The following NBAS variants were observed in gnomAD, a reference collection of about 807,000 sequenced individuals.
NBAS encodes NBAS subunit of NRZ tethering complex.
NBAS carries 219 observed loss-of-function variants against 302.5 expected under a neutral mutation model. The ratio of observed to expected loss-of-function variants is 0.72; its 90% CI spans 0.65 to 0.81. The LOEUF is 0.81. Ranked by LOEUF, NBAS falls within the 30% of genes least tolerant of loss-of-function variation. The probability of loss-of-function intolerance (pLI) is 0.00; values close to 1 mark genes in which losing one functional copy is unlikely to be tolerated. For synonymous variants in NBAS, 1,118 were observed against 1,021.6 expected (o/e 1.09, Z -1.80); for missense variants, 2,932 against 2,841.6 (o/e 1.03, Z -0.72).
the NBAS span, among the ~76,000 whole-genome samples, chr2:15,043,022 C>G: frequency 1.3e-5 from 2 of 152,198 alleles, no homozygotes; most frequent in African/African-American, 4.8e-5. Flanking sequence ...TTTACAAAAA[C>G]AGGCAGTAGG....
intron 44 of NBAS, among the ~76,000 whole-genome samples, chr2:15,249,103 A>G (rs1440075875): frequency 6.6e-6 from 1 of 152,144 alleles, no homozygotes. Context: ...GCACATCAAA[A>G]AGCTTATCCA....
the NBAS span, among the ~76,000 whole-genome samples, chr2:14,922,625 T>C: frequency 0.36 from 54,440 of 152,022 alleles, 9,957 homozygotes; most frequent in African/African-American, 0.44. Context: ...CCCTTGTGAC[T>C]TTCTTTAACC....
the NBAS span, among the ~76,000 whole-genome samples, chr2:14,972,471 A>C: frequency 6.6e-6 from 1 of 152,182 alleles, no homozygotes; most frequent in African/African-American, 2.4e-5. Context: ...CGTTTGTCAA[A>C]TGGTACCCTC....
At chr2:15,200,124 C>A (rs1490272525) in intron 48 of NBAS, among the ~76,000 whole-genome samples, 3 of 151,954 alleles carry the variant, frequency 2.0e-5, no homozygotes, top group Non-Finnish European at 4.4e-5. Context: ...GTCTTGAACT[C>A]CTGGGATCAA....
chr2:15,396,784 T>TA (rs1328715640), intron 26 of NBAS, among the ~76,000 whole-genome samples: 5 of 152,156 alleles, frequency 3.3e-5, no homozygotes. Context: ...AGGTAAAAGG[T>TA]AAAATCACTC....
chr2:15,232,628 C>A, intron 46 of NBAS, 117 bp from the exon 47 acceptor site: 2 of 832,070 alleles, frequency 2.4e-6, no homozygotes, highest in Non-Finnish European at 3.9e-6. Context: ...ACTGCCTGCC[C>A]ATAGTCATTT....
the NBAS span, among the ~76,000 whole-genome samples, chr2:15,053,441 A>T: frequency 6.6e-6 from 1 of 152,226 alleles, no homozygotes; most frequent in African/African-American, 2.4e-5. Context: ...GTTCACCCAC[A>T]AAATGAGGGA....
intron 20 of NBAS, 132 bp from the exon 21 acceptor site, chr2:15,461,469 T>C (rs1229802119): frequency 1.7e-5 from 17 of 974,040 alleles, no homozygotes; most frequent in Non-Finnish European, 1.8e-5. Context: ...ACCCTAGTTT[T>C]TCCTAGCCTA....
At chr2:15,529,263 G>A (rs894600507) in intron 9 of NBAS, among the ~76,000 whole-genome samples, 1 of 152,098 alleles carries the variant, frequency 6.6e-6, no homozygotes, top group African/African-American at 2.4e-5. Context: ...ACTTTGGGAG[G>A]CTGAGGCAGG....
At chr2:15,093,482 T>C in the NBAS span, among the ~76,000 whole-genome samples, 4 of 152,232 alleles carry the variant, frequency 2.6e-5, no homozygotes, top group African/African-American at 9.6e-5. Flanking sequence ...ATGTTCAACA[T>C]ATATTTTATG....
At chr2:14,999,288 C>A in the NBAS span, among the ~76,000 whole-genome samples, 2,239 of 152,126 alleles carry the variant, frequency 0.015, 67 homozygotes, top group African/African-American at 0.052. Flanking sequence ...TGGAGGAGTC[C>A]ATTTACAAAC....
At chr2:15,357,960 C>A (rs1367189422) in intron 32 of NBAS, among the ~76,000 whole-genome samples, 1 of 152,074 alleles carries the variant, frequency 6.6e-6, no homozygotes, top group Non-Finnish European at 1.5e-5. Flanking sequence ...TGATGTTTGA[C>A]CATGCCTTTT....
chr2:14,996,047 C>G, the NBAS span, among the ~76,000 whole-genome samples: 1 of 152,030 alleles, frequency 6.6e-6, no homozygotes, highest in Non-Finnish European at 1.5e-5. Context: ...GAGTTGGTGA[C>G]GTCCCTGTTG....
the NBAS span, among the ~76,000 whole-genome samples, chr2:15,051,898 T>C: frequency 6.6e-6 from 1 of 151,178 alleles, no homozygotes; most frequent in African/African-American, 2.4e-5. Context: ...CCCCTACCTC[T>C]TTTTTTTTCA....
At chr2:15,411,503 T>C (rs1191353111) in intron 25 of NBAS, among the ~76,000 whole-genome samples, 3 of 152,204 alleles carry the variant, frequency 2.0e-5, no homozygotes, top group Non-Finnish European at 4.4e-5. Context: ...GTCAATGATA[T>C]TGCCAGCTAC....
At chr2:14,862,227 C>T in the NBAS span, among the ~76,000 whole-genome samples, 9 of 151,928 alleles carry the variant, frequency 5.9e-5, no homozygotes, top group Non-Finnish European at 1.2e-4. Context: ...CAATCTCCAC[C>T]TCCCGGGTTC....
chr2:15,096,914 G>C, the NBAS span, among the ~76,000 whole-genome samples: 1 of 152,196 alleles, frequency 6.6e-6, no homozygotes, highest in African/African-American at 2.4e-5. Flanking sequence ...GAGGAAACAG[G>C]AGCTTATAGA....
intron 48 of NBAS, among the ~76,000 whole-genome samples, chr2:15,200,070 T>A (rs902199339): frequency 2.0e-5 from 3 of 151,924 alleles, no homozygotes; most frequent in Non-Finnish European, 4.4e-5. Flanking sequence ...GCCTGGCTAA[T>A]TTTTTTATTG....
intron 38 of NBAS, among the ~76,000 whole-genome samples, chr2:15,320,555 G>A (rs576706484): frequency 6.6e-6 from 1 of 152,098 alleles, no homozygotes; most frequent in East Asian, 1.9e-4. Context: ...CAAAGTCTCA[G>A]GATACAAAAT....
Sources: allele counts gnomAD v4.1 joint callset (sites outside exome capture counted in the v4.1 genomes callset), GRCh38; gene constraint gnomAD v4.1.1; transcripts MANE v1.5; gene names NCBI Gene and HGNC (gene_info 2026-07-23, HGNC 2026-07-21).